The following ZFPM2 variants were observed in gnomAD, a reference collection of about 807,000 sequenced individuals.
The protein encoded by ZFPM2 is zinc finger protein, FOG family member 2.
ZFPM2 carries 20 observed loss-of-function variants against 98.6 expected under a neutral mutation model. That is an observed-to-expected ratio of 0.20 (90% CI 0.14 to 0.29). The LOEUF (loss-of-function observed/expected upper bound fraction) is 0.29. Ranked by LOEUF, ZFPM2 falls within the 10% of genes least tolerant of loss-of-function variation. The pLI is 1.00. For synonymous variants in ZFPM2, 518 were observed against 502.7 expected, an observed-to-expected ratio of 1.03 and a Z score of -0.41; for missense variants, 1,310 against 1,388.6, an observed-to-expected ratio of 0.94 and a Z score of 0.90.
At chr8:105,415,711 A>G (rs955588369) in intron 1 of ZFPM2, among the ~76,000 whole-genome samples, 1 of 152,152 alleles carries the variant, frequency 6.6e-6, no homozygotes, top group Non-Finnish European at 1.5e-5. Flanking sequence ...CATGCAATGT[A>G]GAGAGTAGAG....
In ZFPM2 at chr8:105,798,927, A is replaced by C; in HGVS notation, c.943A>C (p.Met315Leu). The C allele has an allele frequency of 6.2e-7, 1 of 1,613,818 alleles. No individual in the cohort carries two copies. Among genetic ancestry groups the C allele is most frequent in the Non-Finnish European group, 8.5e-7 (1 of 1,179,748 alleles). Residue 315 changes from methionine (M) to leucine (L), a missense_variant, in exon 7 of 8, where the codon ATG becomes CTG. Met to Leu is a conservative substitution (Grantham distance 15). Coordinates refer to ENST00000407775, the MANE Select transcript of ZFPM2 (RefSeq NM_012082.4). ...KSFSNARALE[M>L]HLNSHSGVKM... ...CTTTTCAAATGCTCGAGCTCTAGAA[A>C]TGCACCTGAATTCACACAGTGGTAA...
chr8:105,361,168 A>C (rs1812852630), intron 1 of ZFPM2, among the ~76,000 whole-genome samples: 1 of 66,058 alleles, frequency 1.5e-5, no homozygotes. Flanking sequence ...TTGCCATTCT[A>C]ACTGGGGTGA....
chr8:105,525,855 A>G (rs1278202036), intron 3 of ZFPM2, among the ~76,000 whole-genome samples: 1 of 152,208 alleles, frequency 6.6e-6, no homozygotes, highest in Non-Finnish European at 1.5e-5. Flanking sequence ...CAATTAAAAT[A>G]AAGCACTTAA....
chr8:105,679,416 T>G (rs1304383414), intron 5 of ZFPM2, among the ~76,000 whole-genome samples: 7 of 152,024 alleles, frequency 4.6e-5, no homozygotes, highest in Non-Finnish European at 1.0e-4. Context: ...GTTTGTCACC[T>G]CTGTTGTTTA....
At chr8:105,488,820 G>T (rs1813290579) in intron 3 of ZFPM2, among the ~76,000 whole-genome samples, 1 of 152,202 alleles carries the variant, frequency 6.6e-6, no homozygotes, top group African/African-American at 2.4e-5. Context: ...TGGAGGAAAA[G>T]AGATTCTATG....
intron 5 of ZFPM2, among the ~76,000 whole-genome samples, chr8:105,772,844 T>A (rs1234955423): frequency 1.3e-5 from 2 of 152,174 alleles, no homozygotes; most frequent in Non-Finnish European, 2.9e-5. Flanking sequence ...TGAGTTTATG[T>A]TATACTTCAG....
chr8:105,484,297 T>A (rs2130398943), intron 3 of ZFPM2, among the ~76,000 whole-genome samples: 1 of 152,080 alleles, frequency 6.6e-6, no homozygotes, highest in Non-Finnish European at 1.5e-5. Context: ...AAATTTTTTT[T>A]AACTACTTAA....
intron 3 of ZFPM2, among the ~76,000 whole-genome samples, chr8:105,446,077 C>T (rs760058868): frequency 2.2e-4 from 33 of 151,924 alleles, no homozygotes; most frequent in Non-Finnish European, 4.1e-4. Context: ...TGTGCCACCG[C>T]GCCTGGCTAA....
At chr8:105,775,500 T>C (rs1813085421) in intron 5 of ZFPM2, among the ~76,000 whole-genome samples, 2 of 152,314 alleles carry the variant, frequency 1.3e-5, no homozygotes, top group South Asian at 4.1e-4. Context: ...TGAAGAATGG[T>C]ATTTTAATAG....
In ZFPM2 at chr8:105,802,312, A is replaced by T. The variant is rs757882709; in HGVS notation, c.2230A>T (p.Met744Leu). 4 of 1,613,794 alleles carry T rather than the reference A, an allele frequency of 2.5e-6. No homozygotes were observed. The highest frequency in any genetic ancestry group is 3.4e-6 in the Non-Finnish European group (4 of 1,179,830). ...RTRKRRKMYE[M>L]CLPEQEQRPP... ...ACGCAAGCGCAGAAAGATGTATGAG[A>T]TGTGCCTACCTGAGCAGGAACAAAG... Residue 744 changes from methionine (M) to leucine (L), a missense_variant, in exon 8 of 8, where the codon ATG (methionine) becomes TTG (leucine). Met to Leu is a conservative substitution (Grantham distance 15, BLOSUM62 2). Coordinates refer to ENST00000407775, the MANE Select transcript of ZFPM2 (RefSeq NM_012082.4).
intron 1 of ZFPM2, among the ~76,000 whole-genome samples, chr8:105,365,798 T>C (rs1810494001): frequency 6.6e-6 from 1 of 152,134 alleles, no homozygotes; most frequent in Non-Finnish European, 1.5e-5. Flanking sequence ...TGGGCTTCGA[T>C]ATGCAAAACA....
chr8:105,659,163 A>ATC (rs773941642), intron 5 of ZFPM2, among the ~76,000 whole-genome samples: 1 of 152,210 alleles, frequency 6.6e-6, no homozygotes, highest in Non-Finnish European at 1.5e-5. Context: ...CAGTCTTAGA[A>ATC]TATGTTTTGA....
chr8:105,473,790 A>T (rs1253983231), intron 3 of ZFPM2, among the ~76,000 whole-genome samples: 1 of 152,270 alleles, frequency 6.6e-6, no homozygotes, highest in African/African-American at 2.4e-5. Flanking sequence ...CTATGCATAC[A>T]TATGCAAATG....
chr8:105,763,574 A>G (rs1395166058), intron 5 of ZFPM2, among the ~76,000 whole-genome samples: 4 of 151,406 alleles, frequency 2.6e-5, no homozygotes, highest in African/African-American at 7.3e-5. Context: ...ACCTTGTGCT[A>G]TGTCCTTCAT....
At chr8:105,528,566 C>T (rs1201457319) in intron 3 of ZFPM2, among the ~76,000 whole-genome samples, 1 of 152,060 alleles carries the variant, frequency 6.6e-6, no homozygotes, top group Non-Finnish European at 1.5e-5. Context: ...ATTTTCCTGA[C>T]ACCAGGTGAC....
chr8:105,533,112 CA>C (rs770649341), intron 3 of ZFPM2, among the ~76,000 whole-genome samples: 11 of 152,036 alleles, frequency 7.2e-5, no homozygotes, highest in Non-Finnish European at 1.3e-4. Flanking sequence ...ATAACACAAA[CA>C]AAACCATGAA....
intron 5 of ZFPM2, among the ~76,000 whole-genome samples, chr8:105,779,546 T>C (rs1813194695): frequency 6.6e-6 from 1 of 152,232 alleles, no homozygotes; most frequent in Admixed American, 6.5e-5. Context: ...AAGCTTTTAT[T>C]CTGGATACAT....
At chr8:105,503,919 C>A (rs548957262) in intron 3 of ZFPM2, among the ~76,000 whole-genome samples, 1 of 152,168 alleles carries the variant, frequency 6.6e-6, no homozygotes, top group African/African-American at 2.4e-5. Flanking sequence ...TTATTAATCA[C>A]TGCAGTCGCT....
intron 1 of ZFPM2, chr8:105,418,618 T>C (rs1272817401): frequency 5.8e-6 from 3 of 518,618 alleles, no homozygotes; most frequent in Non-Finnish European, 1.2e-5. Flanking sequence ...GTAATTTTTC[T>C]TCAAGCCTCA....
Sources: allele counts gnomAD v4.1 joint callset (sites outside exome capture counted in the v4.1 genomes callset), GRCh38; gene constraint gnomAD v4.1.1; transcripts MANE v1.5; gene names NCBI Gene and HGNC (gene_info 2026-07-23, HGNC 2026-07-21).